Variants in NLRP12 observed in about 807,000 individuals in gnomAD.
The protein encoded by NLRP12 is NLR family pyrin domain containing 12, also known as NACHT, LRR and PYD domains-containing protein 12.
A neutral mutation model predicts 91.2 loss-of-function variants in NLRP12; 108 were observed. The ratio of observed to expected loss-of-function variants is 1.18; its 90% CI spans 1.01 to 1.39. The LOEUF (loss-of-function observed/expected upper bound fraction) is 1.39. Among genes scored for constraint, NLRP12 ranks in the 40% most tolerant of loss-of-function variants. NLRP12 has a pLI of 0.00. For synonymous variants in NLRP12, 613 were observed against 566.7 expected (o/e 1.08, Z -1.16); for missense variants, 1,530 against 1,352.7 (o/e 1.13, Z -2.06).
At chr19:53,805,891 A>G (rs1052415668) in intron 4 of NLRP12, 4 of 238,888 alleles carry the variant, frequency 1.7e-5, no homozygotes, top group Admixed American at 1.6e-4. Context: ...AGAACAATAT[A>G]AAATGTTTTG....
rs767654625 is a variant in NLRP12 at position 53,814,913 on chromosome 19, C to T, written c.365G>A (p.Arg122Lys). Residue 122 changes from arginine (R) to lysine (K), a missense_variant, in exon 2 of 10, where the codon AGA becomes AAA. Coordinates refer to ENST00000324134, the MANE Select transcript of NLRP12 (RefSeq NM_144687.4). ...GTACATGGCTTGAGGCTCACCTTTT[C>T]TTGGAGTGACAAGAGAGACTTCCAG... ...CLLEVSLVTP[R>K]KDPQETYRDY... 2 of 1,613,834 alleles carry T rather than the reference C, an allele frequency of 1.2e-6. No homozygotes were observed. The highest frequency in any genetic ancestry group is 2.2e-5 in the South Asian group (2 of 91,074).
chr19:53,802,995 T>C (rs1276774685), intron 6 of NLRP12, among the ~76,000 whole-genome samples: 1 of 152,090 alleles, frequency 6.6e-6, no homozygotes, highest in East Asian at 1.9e-4. Context: ...GCCATTCTCC[T>C]GCCTTGGCCT....
intron 1 of NLRP12, among the ~76,000 whole-genome samples, chr19:53,823,456 A>T (rs1433465390): frequency 6.9e-5 from 1 of 14,488 alleles, no homozygotes; most frequent in Non-Finnish European, 2.4e-4. Flanking sequence ...TTAAATATAT[A>T]TTTTAAATAT....
At position 53,805,287 on chromosome 19, in the gene NLRP12, T is replaced by A. The variant is rs1042942004; in HGVS notation, c.2407A>T (p.Met803Leu). 1 of 1,613,900 alleles carries A rather than the reference T, an allele frequency of 6.2e-7. No homozygotes were observed. The highest frequency in any genetic ancestry group is 1.3e-5 in the African/African-American group (1 of 74,910). ...CCGGGGATAGAGACTCACTGAATCA[T>A]CTGCAGCCTGCACTGGGGATGCCGC... ...GLRHPQCRLQ[M>L]IQLRKCQLES... The change falls in exon 5 of 10, where the codon ATG (methionine) becomes TTG (leucine). Residue 803 changes from methionine (M) to leucine (L), a missense_variant. Physicochemically the swap from Met to Leu is conservative, Grantham distance 15 (BLOSUM62 2). Coordinates refer to ENST00000324134, the MANE Select transcript of NLRP12 (RefSeq NM_144687.4).
chr19:53,823,457 TTTTAAATATATA>T (rs1240676095), intron 1 of NLRP12, among the ~76,000 whole-genome samples: 1 of 21,780 alleles, frequency 4.6e-5, no homozygotes, highest in East Asian at 4.9e-4. Context: ...TAAATATATA[TTTTAAATATATA>T]TTTAAAATAT....
intron 8 of NLRP12, 74 bp from the exon 9 acceptor site, chr19:53,796,103 G>C (rs1367984330): frequency 1.4e-6 from 2 of 1,424,608 alleles, no homozygotes; most frequent in South Asian, 1.2e-5. Flanking sequence ...GTCTCACCCT[G>C]TCTCCCAGGC....
chr19:53,813,281 CTTTTTTTTTTTTCTTTTCTTT>C (rs2092105447), intron 2 of NLRP12, among the ~76,000 whole-genome samples: 1 of 111,568 alleles, frequency 9.0e-6, no homozygotes, highest in African/African-American at 3.5e-5. Context: ...AACTGCTATT[CTTTTTTTTTTTTCTTTTCTTT>C]TTTTTTTTTT....
chr19:53,802,141 C>T (rs774342191), intron 6 of NLRP12, among the ~76,000 whole-genome samples: 5 of 151,554 alleles, frequency 3.3e-5, no homozygotes, highest in Non-Finnish European at 5.9e-5. Flanking sequence ...GCAGGAGAAT[C>T]ACTTGAACCC....
chr19:53,811,640 C>T (rs1026546856), intron 2 of NLRP12, among the ~76,000 whole-genome samples: 10 of 150,856 alleles, frequency 6.6e-5, no homozygotes, highest in Non-Finnish European at 1.5e-4. Context: ...ATGGTGTGCT[C>T]CCTGCAACAT....
In NLRP12 at chr19:53,807,671, T is replaced by C; in HGVS notation, c.2073-6A>G. 6.2e-7 allele frequency: 1 copy of C among 1,614,082 alleles called. No homozygotes were observed. Among genetic ancestry groups the C allele is most frequent in the Non-Finnish European group, 8.5e-7 (1 of 1,179,984 alleles). On this transcript the variant is annotated splice_region_variant and splice_polypyrimidine_tract_variant and intron_variant, in intron 3 of 9. Transcript: ENST00000324134. ...GCAGAACGGTCCTCTCTGGTCTGCT[T>C]GAAGGAAAGACAGGCCACTCTCTGG...
At chr19:53,815,696 C>G (rs1030126041) in intron 1 of NLRP12, among the ~76,000 whole-genome samples, 27 of 152,066 alleles carry the variant, frequency 1.8e-4, no homozygotes, top group African/African-American at 6.0e-4. Flanking sequence ...GCAACCTCTG[C>G]CTCCCGGGTT....
chr19:53,811,081 G>A lies in NLRP12; in HGVS notation c.578C>T (p.Pro193Leu), dbSNP rs763650831. The A allele has an allele frequency of 6.2e-7, 1 of 1,613,696 alleles. No individual in the cohort carries two copies. Among genetic ancestry groups the A allele is most frequent in the Non-Finnish European group, 8.5e-7 (1 of 1,179,672 alleles). Residue 193 changes from proline (P) to leucine (L), a missense_variant, in exon 3 of 10, where the codon CCC becomes CTC. Pro to Leu is a moderately conservative substitution (Grantham distance 98). Coordinates refer to ENST00000324134, the MANE Select transcript of NLRP12 (RefSeq NM_144687.4). ...CTCAAAGAGGGTCTCTATCTTGATG[G>A]GGCTAGCCTGGTGTCCCACGGTCCT... ...HARTVGHQAS[P>L]IKIETLFEPD...
chr19:53,819,626 C>CGTATATATGTATATATACGTATATATAT (rs1568696565), intron 1 of NLRP12, among the ~76,000 whole-genome samples: 1 of 41,564 alleles, frequency 2.4e-5, no homozygotes, highest in Non-Finnish European at 5.4e-5. Context: ...TACGTATATA[C>CGTATATATGTATATATACGTATATATAT]GCGTATATAT....
At chr19:53,805,207 C>T in intron 5 of NLRP12, 73 bp downstream of exon 5, 3 of 1,477,638 alleles carry the variant, frequency 2.0e-6, no homozygotes, top group Non-Finnish European at 2.8e-6. Flanking sequence ...TTGGGGATTA[C>T]CAGCATTTTG....
intron 9 of NLRP12, among the ~76,000 whole-genome samples, chr19:53,795,195 C>T (rs1304681017): frequency 1.3e-5 from 2 of 151,746 alleles, no homozygotes; most frequent in Admixed American, 6.6e-5. Context: ...AGGCGCCATC[C>T]CCTGCACCCA....
chr19:53,806,873 A>AG (rs2091968207), intron 4 of NLRP12, among the ~76,000 whole-genome samples: 1 of 150,170 alleles, frequency 6.7e-6, no homozygotes, highest in Non-Finnish European at 1.5e-5. Context: ...TTTAAAAAAA[A>AG]AAAAAGTAAA....
At chr19:53,799,319 ATTTTTTG>A (rs368315706) in intron 7 of NLRP12, among the ~76,000 whole-genome samples, 12 of 151,516 alleles carry the variant, frequency 7.9e-5, no homozygotes, top group African/African-American at 1.5e-4. Context: ...CGCGTGTGTG[ATTTTTTG>A]TTTTTTGTTT....
In NLRP12 at chr19:53,801,284, C is replaced by T. The variant is rs1317584720; in HGVS notation, c.2699G>A (p.Gly900Glu). Residue 900 changes from glycine to glutamate, a missense_variant, in exon 7 of 10, where the codon GGG (glycine) becomes GAG (glutamate). Transcript: ENST00000324134. ...GAGGCCCTCACACAGCAGCAGCACCCCGAGGTCCCCCAGCTCATTCAGGCT... is the reference window on the plus strand; with the variant it reads ...GAGGCCCTCACACAGCAGCAGCACCTCGAGGTCCCCCAGCTCATTCAGGCT... ...DLSLNELGDLGVLLLCEGLRH... is the reference protein window; with the variant it reads ...DLSLNELGDLEVLLLCEGLRH... 1.2e-6 allele frequency: 2 copies of T among 1,613,716 alleles called. No homozygotes were observed. Among genetic ancestry groups the T allele is most frequent in the Non-Finnish European group, 1.7e-6 (2 of 1,179,962 alleles).
In NLRP12 at chr19:53,795,981, G is replaced by A. The variant is rs1230733300; in HGVS notation, c.2976C>T (p.Phe992=). The change falls in exon 9 of 10, where the codon TTC becomes TTT. Residue 992 remains phenylalanine, a synonymous_variant. Transcript: ENST00000324134. ...LTAKACENLY[F]TLGINQTLTD... Reference sequence around the variant, plus strand: ...TCAAGGTCTGGTTGATCCCCAGGGTGAAGTAAAGATTCTCACAAGCCTTGG... The same window carrying A: ...TCAAGGTCTGGTTGATCCCCAGGGTAAAGTAAAGATTCTCACAAGCCTTGG... 1 of 1,614,160 alleles carries A rather than the reference G, an allele frequency of 6.2e-7. No homozygotes were observed. Among genetic ancestry groups the A allele is most frequent in the South Asian group, 1.1e-5 (1 of 91,082 alleles).
Sources: allele counts gnomAD v4.1 joint callset (sites outside exome capture counted in the v4.1 genomes callset), GRCh38; gene constraint gnomAD v4.1.1; transcripts MANE v1.5; gene names NCBI Gene and HGNC (gene_info 2026-07-23, HGNC 2026-07-21).